Variants in KCNMB3 observed in about 807,000 individuals in gnomAD.
KCNMB3 encodes the protein potassium calcium-activated channel subfamily M regulatory beta subunit 3.
In KCNMB3, 18 loss-of-function variants were observed where a neutral mutation model predicts 11.9. The ratio of observed to expected loss-of-function variants is 1.51; its 90% CI spans 1.04 to 2.23. The LOEUF (loss-of-function observed/expected upper bound fraction) is 2.23. Among genes scored for constraint, KCNMB3 ranks in the 30% most tolerant of loss-of-function variants. KCNMB3 has a pLI of 0.00. For missense variants in KCNMB3, 247 were observed against 329.4 expected, an observed-to-expected ratio of 0.75 and a Z score of 1.94; for synonymous variants, 78 against 119.2, an observed-to-expected ratio of 0.65 and a Z score of 2.25.
chr3:179,241,471 G>A (rs546071616), downstream of KCNMB3: 9 of 154,422 alleles, frequency 5.8e-5, no homozygotes, highest in African/African-American at 1.9e-4. Flanking sequence ...AATATGTGTC[G>A]AAATTAATTG....
In KCNMB3 at chr3:179,266,660, C is replaced by T. The variant is rs546031315; in HGVS notation, c.51G>A (p.Arg17=). 18 of 1,614,174 alleles carry T rather than the reference C, an allele frequency of 1.1e-5. No individual in the cohort carries two copies. The African/African-American group carries it at 1.3e-4, about 12-fold the overall frequency. The change falls in exon 1 of 4, where the codon AGG becomes AGA. Residue 17 remains arginine, a synonymous_variant. Transcript: ENST00000349697. ...CGGAAGTGACTTACCTCCCCTGGCGCCTCCGGCTGCCCTGAAGTGTGATTT... is the reference window on the plus strand; with the variant it reads ...CGGAAGTGACTTACCTCCCCTGGCGTCTCCGGCTGCCCTGAAGTGTGATTT...
upstream of KCNMB3, among the ~76,000 whole-genome samples, chr3:179,255,430 T>C (rs1725981635): frequency 6.6e-6 from 1 of 151,924 alleles, no homozygotes; most frequent in African/African-American, 2.4e-5. Flanking sequence ...AATAAAATAA[T>C]TGAAAGTAAA....
At chr3:179,250,447 G>T (rs564532709) in intron 1 of KCNMB3, among the ~76,000 whole-genome samples, 11 of 152,232 alleles carry the variant, frequency 7.2e-5, no homozygotes, top group Admixed American at 2.0e-4. Flanking sequence ...TTTAAGGGGA[G>T]GATTTATGAC....
intron 1 of KCNMB3, chr3:179,266,513 C>G: frequency 2.1e-6 from 2 of 965,692 alleles, no homozygotes; most frequent in Admixed American, 2.2e-5. Flanking sequence ...TGCTGGGTAC[C>G]CTGGGAGGCA....
rs147667990 is a variant in KCNMB3 at position 179,258,441 on chromosome 3, T to G, written c.63-7507A>C. Among the ~76,000 whole-genome samples the G allele has an allele frequency of 3.1e-3, 467 of 152,352 alleles. 1 individual carries two copies. Among genetic ancestry groups the G allele is most frequent in the African/African-American group, 0.01 (435 of 41,576 alleles). Reference sequence around the variant, plus strand: ...CTCATGCTTTCAGACCTTTACTTGTTATCCTTAAAATGATTATTGTTCTAA... The same window carrying G: ...CTCATGCTTTCAGACCTTTACTTGTGATCCTTAAAATGATTATTGTTCTAA... On this transcript the variant is annotated intron_variant, in intron 1 of 3. Transcript: ENST00000349697.
chr3:179,249,480 C>T (rs552315157), intron 1 of KCNMB3, among the ~76,000 whole-genome samples: 1 of 151,654 alleles, frequency 6.6e-6, no homozygotes, highest in South Asian at 2.1e-4. Flanking sequence ...TCAAGACCAG[C>T]CTGGCCAACA....
rs773808245 is a variant in KCNMB3 at position 179,251,039 on chromosome 3, T to C, written c.-49A>G. ...GATAATCTCATTTGCTGCCTACCTG[T>C]GTCTCGTGAGCAGGATGAATGCAAC... On this transcript the variant is annotated 5_prime_UTR_variant, in exon 1 of 3. Coordinates refer to ENST00000392685, the MANE Select transcript of KCNMB3 (RefSeq NM_171830.2). 4.3e-6 allele frequency: 7 copies of C among 1,614,094 alleles called. No homozygotes were observed. In the South Asian group the frequency reaches 4.4e-5, roughly 10 times the overall value.
chr3:179,248,692 C>A (rs1376070605), intron 1 of KCNMB3, among the ~76,000 whole-genome samples: 1 of 146,704 alleles, frequency 6.8e-6, no homozygotes, highest in South Asian at 2.2e-4. Context: ...TGAACCACTG[C>A]ACTTCAGCCT....
rs148659319 is a variant in KCNMB3 at position 179,243,959 on chromosome 3, G to A, written c.447+536C>T. ...CAAAAGTCATCGGATTGAAATTGAT[G>A]CTTAAAGACAATAAAATGTAACATG... On this transcript the variant is annotated intron_variant, in intron 2 of 2. Coordinates refer to ENST00000392685, the MANE Select transcript of KCNMB3 (RefSeq NM_171830.2). Among the ~76,000 whole-genome samples the A allele has an allele frequency of 2.6e-5, 4 of 152,246 alleles. No individual in the cohort carries two copies. In the East Asian group the frequency reaches 7.7e-4, roughly 29 times the overall value.
chr3:179,259,358 TAATTCTTCAC>T (rs1726126511), intron 1 of KCNMB3: 1 of 1,568,312 alleles, frequency 6.4e-7, no homozygotes, highest in African/African-American at 1.4e-5. Flanking sequence ...CACCTTCATC[TAATTCTTCAC>T]CACCAGCCCT....
upstream of KCNMB3, among the ~76,000 whole-genome samples, chr3:179,253,239 T>C (rs1355034266): frequency 3.3e-5 from 5 of 152,314 alleles, no homozygotes; most frequent in Non-Finnish European, 7.4e-5. Context: ...AAGAGGCTTA[T>C]AATGAGGTCG....
intron 1 of KCNMB3, chr3:179,261,005 T>C (rs1308866612): frequency 3.1e-6 from 3 of 970,744 alleles, no homozygotes; most frequent in Non-Finnish European, 5.0e-6. Context: ...TATAGAGGTG[T>C]CTCCGCTGCC....
chr3:179,253,200 T>C (rs537411081), upstream of KCNMB3, among the ~76,000 whole-genome samples: 25 of 152,314 alleles, frequency 1.6e-4, no homozygotes, highest in Middle Eastern at 3.4e-3. Flanking sequence ...CAGAGGTTTA[T>C]TGTAAGATAT....
intron 1 of KCNMB3, among the ~76,000 whole-genome samples, chr3:179,263,087 G>T (rs1271371284): frequency 1.3e-5 from 2 of 152,242 alleles, no homozygotes; most frequent in African/African-American, 4.8e-5. Flanking sequence ...ATGGGACTGG[G>T]TGCCGTGGAG....
At chr3:179,258,925 T>C (rs1468121184) in intron 1 of KCNMB3, 2 of 1,613,050 alleles carry the variant, frequency 1.2e-6, no homozygotes, top group South Asian at 1.1e-5. Context: ...TGCATCTCTA[T>C]GAATTTAGAA....
chr3:179,256,067 C>T (rs978951142), upstream of KCNMB3, among the ~76,000 whole-genome samples: 5 of 152,108 alleles, frequency 3.3e-5, no homozygotes, highest in Non-Finnish European at 4.4e-5. Context: ...CAAGGCAGAA[C>T]GAAAAAAATC....
At chr3:179,262,373 C>T (rs908452380) in intron 1 of KCNMB3, among the ~76,000 whole-genome samples, 2 of 151,958 alleles carry the variant, frequency 1.3e-5, no homozygotes, top group Non-Finnish European at 2.9e-5. Context: ...GCTCTTAAGG[C>T]GGCGCCTCTG....
chr3:179,247,426 C>T (rs569026889), intron 1 of KCNMB3, among the ~76,000 whole-genome samples: 1 of 151,426 alleles, frequency 6.6e-6, no homozygotes, highest in South Asian at 2.1e-4. Flanking sequence ...GAGGTATAGC[C>T]AAGACAAGAG....
chr3:179,249,988 A>G (rs371052779), intron 1 of KCNMB3, among the ~76,000 whole-genome samples: 2 of 152,264 alleles, frequency 1.3e-5, no homozygotes, highest in Admixed American at 1.3e-4. Context: ...GCACACGTTT[A>G]CCTTTGTAAC....
Sources: allele counts gnomAD v4.1 joint callset (sites outside exome capture counted in the v4.1 genomes callset), GRCh38; gene constraint gnomAD v4.1.1; transcripts MANE v1.5; gene names NCBI Gene and HGNC (gene_info 2026-07-23, HGNC 2026-07-21).